CD109: variants seen among roughly 807,000 people sequenced by gnomAD.
CD109 encodes CD109 antigen.
Under a neutral mutation model 165.8 loss-of-function variants are expected in CD109, and 149 were observed. The observed-to-expected ratio is 0.90, with a 90% CI of 0.79 to 1.03. CD109 has a LOEUF of 1.03. CD109 is among the 50% of genes least tolerant of loss of function. The pLI, the probability that CD109 is intolerant of heterozygous loss-of-function variation, is 0.00. For synonymous variants in CD109, 585 were observed against 592.1 expected (o/e 0.99, Z 0.18); for missense variants, 1,712 against 1,677.8 (o/e 1.02, Z -0.36).
At chr6:73,800,872 C>T (rs998769184) in intron 23 of CD109, among the ~76,000 whole-genome samples, 4 of 151,892 alleles carry the variant, frequency 2.6e-5, no homozygotes, top group Admixed American at 2.6e-4. Context: ...TTGATATTAG[C>T]TATTTATCCA....
At position 73,768,073 on chromosome 6, in the gene CD109, T is replaced by C; in HGVS notation, c.1516T>C (p.Leu506=). Residue 506 remains leucine, a synonymous_variant, in exon 14 of 33, where the codon TTG becomes CTG. Transcript: ENST00000287097. ...TTTTCAGGTAGTATCCAGGGGACAGTTGGTGGCTGTAGGAAAACAAAATTC... is the reference window on the plus strand; with the variant it reads ...TTTTCAGGTAGTATCCAGGGGACAGCTGGTGGCTGTAGGAAAACAAAATTC... The part of the protein sequence containing the change: ...LSYMVVSRGQ[L]VAVGKQNSTM... 1 of 1,613,478 alleles carries C rather than the reference T, an allele frequency of 6.2e-7. No homozygotes were observed. The highest frequency in any genetic ancestry group is 8.5e-7 in the Non-Finnish European group (1 of 1,179,646).
intron 24 of CD109, among the ~76,000 whole-genome samples, chr6:73,806,486 A>ATGTACCC (rs1377792840): frequency 2.6e-5 from 4 of 152,206 alleles, no homozygotes; most frequent in Non-Finnish European, 4.4e-5. Context: ...CGTTGTGCAC[A>ATGTACCC]TGTACCCTAG....
chr6:73,717,611 C>CTTTTTTTTT (rs779915655), intron 2 of CD109, among the ~76,000 whole-genome samples: 8 of 74,818 alleles, frequency 1.1e-4, no homozygotes, highest in Non-Finnish European at 1.4e-4. Flanking sequence ...TCTACTGATT[C>CTTTTTTTTT]TTTTTTTTTT....
intron 2 of CD109, among the ~76,000 whole-genome samples, chr6:73,702,127 T>C (rs1455517204): frequency 6.6e-6 from 1 of 152,184 alleles, no homozygotes; most frequent in Non-Finnish European, 1.5e-5. Context: ...TGTAACTCGC[T>C]TTTTCTTTTT....
At chr6:73,788,220 TAATC>T (rs1423347834) in intron 21 of CD109, among the ~76,000 whole-genome samples, 1 of 152,212 alleles carries the variant, frequency 6.6e-6, no homozygotes, top group Non-Finnish European at 1.5e-5. Flanking sequence ...AAGGAAAAAT[TAATC>T]AAAGTTATGG....
At chr6:73,778,913 T>C (rs1225908180) in intron 15 of CD109, among the ~76,000 whole-genome samples, 1 of 152,210 alleles carries the variant, frequency 6.6e-6, no homozygotes, top group African/African-American at 2.4e-5. Context: ...TTGATTTTTA[T>C]TGAAGTTAAA....
chr6:73,685,506 C>CT, the CD109 span, among the ~76,000 whole-genome samples: 5 of 151,120 alleles, frequency 3.3e-5, no homozygotes, highest in Admixed American at 6.6e-5. Flanking sequence ...TTAGTTCTAA[C>CT]TTTTTTTTTG....
chr6:73,747,377 A>G (rs1170097477), intron 5 of CD109, among the ~76,000 whole-genome samples: 3 of 152,116 alleles, frequency 2.0e-5, no homozygotes, highest in African/African-American at 7.2e-5. Flanking sequence ...CCATTTTCCC[A>G]ACTCACTCCA....
At chr6:73,685,936 G>A in the CD109 span, among the ~76,000 whole-genome samples, 1 of 152,272 alleles carries the variant, frequency 6.6e-6, no homozygotes, top group Non-Finnish European at 1.5e-5. Context: ...TAATTGCTCT[G>A]GCTAGGACTT....
chr6:73,741,047 C>T (rs1054396529), intron 5 of CD109, among the ~76,000 whole-genome samples: 4 of 151,992 alleles, frequency 2.6e-5, no homozygotes, highest in African/African-American at 9.7e-5. Context: ...TTATCTCTGT[C>T]ATTGTTCAGC....
chr6:73,726,807 C>G (rs934500132), intron 3 of CD109, among the ~76,000 whole-genome samples: 6 of 152,284 alleles, frequency 3.9e-5, no homozygotes, highest in Admixed American at 3.3e-4. Flanking sequence ...TTCTGTTGGT[C>G]AAAGCTTTGG....
chr6:73,820,512 G>A lies in CD109; in HGVS notation c.4111G>A (p.Val1371Ile), dbSNP rs763941018. ...TATTCCTGCTGTGAGAAACTTTAAA[G>A]TTTCAAATACCCAAGATGCTTCAGT... ...VNIPAVRNFKVSNTQDASVSI... is the reference protein window; with the variant it reads ...VNIPAVRNFKISNTQDASVSI... Residue 1371 changes from valine (V) to isoleucine (I), a missense_variant, in exon 32 of 33, where the codon GTT becomes ATT. By Grantham distance (29) the Val-to-Ile change is conservative. Coordinates refer to ENST00000287097, the MANE Select transcript of CD109 (RefSeq NM_133493.5). 6.2e-5 allele frequency: 100 copies of A among 1,612,492 alleles called. 1 individual carries two copies. In the South Asian group the frequency reaches 1.1e-3, roughly 17 times the overall value.
chr6:73,782,471 T>C (rs889068875), intron 17 of CD109, 143 bp from the exon 18 acceptor site: 31 of 698,094 alleles, frequency 4.4e-5, no homozygotes, highest in Non-Finnish European at 1.4e-5. Flanking sequence ...ACCTTTTCAC[T>C]GTAACAGAAG....
chr6:73,692,221 C>A (rs1180914623), upstream of CD109, among the ~76,000 whole-genome samples: 4 of 152,160 alleles, frequency 2.6e-5, no homozygotes, highest in Non-Finnish European at 5.9e-5. Context: ...ACCATATCAA[C>A]ACCTTAAAGA....
At chr6:73,729,664 C>T (rs542759674) in intron 3 of CD109, among the ~76,000 whole-genome samples, 1 of 152,008 alleles carries the variant, frequency 6.6e-6, no homozygotes. Flanking sequence ...CAGGCGCATG[C>T]CACCACACCT....
At chr6:73,798,536 CACAAGGAGACAT>C (rs1162070323) in intron 23 of CD109, among the ~76,000 whole-genome samples, 1 of 152,042 alleles carries the variant, frequency 6.6e-6, no homozygotes, top group Non-Finnish European at 1.5e-5. Context: ...AGGACACTCC[CACAAGGAGACAT>C]ACAAGTTCTC....
chr6:73,720,579 C>A (rs559132021), intron 2 of CD109, among the ~76,000 whole-genome samples: 2 of 152,194 alleles, frequency 1.3e-5, no homozygotes, highest in Admixed American at 1.3e-4. Flanking sequence ...ATAAGTTATA[C>A]CTCATTCCAT....
chr6:73,746,358 A>C (rs978985212), intron 5 of CD109, among the ~76,000 whole-genome samples: 1 of 152,142 alleles, frequency 6.6e-6, no homozygotes, highest in Non-Finnish European at 1.5e-5. Context: ...GAAAGGGAGA[A>C]AGAGCAAGAA....
intron 6 of CD109, among the ~76,000 whole-genome samples, 166 bp downstream of exon 6, chr6:73,756,848 C>T (rs1490292351): frequency 6.6e-6 from 1 of 151,748 alleles, no homozygotes; most frequent in Non-Finnish European, 1.5e-5. Flanking sequence ...TGTAAAAATT[C>T]TAAAATCTCA....
Sources: allele counts gnomAD v4.1 joint callset (sites outside exome capture counted in the v4.1 genomes callset), GRCh38; gene constraint gnomAD v4.1.1; transcripts MANE v1.5; gene names NCBI Gene and HGNC (gene_info 2026-07-23, HGNC 2026-07-21).